CACNG4: variants seen among roughly 807,000 people sequenced by gnomAD.
CACNG4 encodes the protein calcium voltage-gated channel auxiliary subunit gamma 4.
In CACNG4, 8 loss-of-function variants were observed where a neutral mutation model predicts 22.9. The observed-to-expected ratio is 0.35, with a 90% CI of 0.21 to 0.63. CACNG4 has a LOEUF of 0.63. Ranked by LOEUF, CACNG4 falls within the 30% of genes least tolerant of loss-of-function variation. The pLI, the probability that CACNG4 is intolerant of heterozygous loss-of-function variation, is 0.72. For synonymous variants in CACNG4, 188 were observed against 191.9 expected, an observed-to-expected ratio of 0.98 and a Z score of 0.17; for missense variants, 357 against 455.4, an observed-to-expected ratio of 0.78 and a Z score of 1.97.
At chr17:66,970,607 C>A (rs2035197808) in intron 1 of CACNG4, among the ~76,000 whole-genome samples, 1 of 152,214 alleles carries the variant, frequency 6.6e-6, no homozygotes, top group African/African-American at 2.4e-5. Flanking sequence ...TATTAAAATG[C>A]TCACATGGTG....
At chr17:66,977,962 CTCCCGGACGCCCT>C (rs2035248248) in intron 1 of CACNG4, among the ~76,000 whole-genome samples, 2 of 152,180 alleles carry the variant, frequency 1.3e-5, no homozygotes, top group African/African-American at 4.8e-5. Flanking sequence ...TTAGGGGCTC[CTCCCGGACGCCCT>C]AAGGAGGCCT....
At chr17:66,968,340 C>T (rs929615992) in intron 1 of CACNG4, among the ~76,000 whole-genome samples, 3 of 152,282 alleles carry the variant, frequency 2.0e-5, no homozygotes, top group South Asian at 2.1e-4. Flanking sequence ...TGAGGATGCA[C>T]AACGGATACA....
intron 1 of CACNG4, among the ~76,000 whole-genome samples, chr17:67,009,854 A>G (rs779904946): frequency 1.9e-4 from 28 of 145,586 alleles, no homozygotes; most frequent in Admixed American, 6.6e-4. Context: ...TCATCACCTC[A>G]GGGTTAGGAG....
At chr17:66,967,537 A>G (rs2035177851) in intron 1 of CACNG4, among the ~76,000 whole-genome samples, 1 of 152,196 alleles carries the variant, frequency 6.6e-6, no homozygotes, top group Non-Finnish European at 1.5e-5. Flanking sequence ...TGAGGCCTGG[A>G]CAGCACCTTA....
At chr17:67,024,003 G>A (rs1019558343) in intron 2 of CACNG4, among the ~76,000 whole-genome samples, 1 of 152,234 alleles carries the variant, frequency 6.6e-6, no homozygotes, top group Non-Finnish European at 1.5e-5. Flanking sequence ...AAAGGGGACT[G>A]AGGTGGTCAC....
chr17:66,997,838 A>G (rs2035384826), intron 1 of CACNG4, among the ~76,000 whole-genome samples: 1 of 151,996 alleles, frequency 6.6e-6, no homozygotes, highest in South Asian at 2.1e-4. Context: ...ACAAACAAAC[A>G]AAAAACCCAC....
Position 66,964,990 on chromosome 17 carries a change from G to A in CACNG4, c.79G>A (p.Ala27Thr). 1 of 1,611,238 alleles carries A rather than the reference G, an allele frequency of 6.2e-7. No homozygotes were observed. ...AFAAFSLMAI[A>T]IGTDYWLYSS... ...CGCCGCCTTCTCGCTCATGGCCATC[G>A]CCATCGGCACCGACTACTGGCTGTA... The change falls in exon 1 of 4, where the codon GCC (alanine) becomes ACC (threonine). Residue 27 changes from alanine to threonine, a missense_variant. This residue lies in a region of CACNG4 where 114 missense variants were observed against 161.6 expected (regional missense o/e 0.71). Transcript: ENST00000262138.
chr17:66,988,641 T>C (rs1266867890), intron 1 of CACNG4, among the ~76,000 whole-genome samples: 2 of 152,008 alleles, frequency 1.3e-5, no homozygotes, highest in Admixed American at 1.3e-4. Context: ...TCTGCTGCTC[T>C]CCAGAGGCTC....
At chr17:67,021,573 G>A (rs1460885044) in intron 2 of CACNG4, 1 of 152,292 alleles carries the variant, frequency 6.6e-6, no homozygotes, top group Non-Finnish European at 1.5e-5. Flanking sequence ...CTGATTTGCA[G>A]GTTCACAGCC....
chr17:66,979,435 G>A (rs1202483981), intron 1 of CACNG4, among the ~76,000 whole-genome samples: 2 of 152,164 alleles, frequency 1.3e-5, no homozygotes, highest in African/African-American at 2.4e-5. Flanking sequence ...ATGGCAAATT[G>A]AGTGAGCCAA....
intron 1 of CACNG4, among the ~76,000 whole-genome samples, chr17:66,994,813 C>T (rs1264921318): frequency 2.6e-5 from 4 of 152,144 alleles, no homozygotes; most frequent in Non-Finnish European, 2.9e-5. Flanking sequence ...CATACGTTCT[C>T]AGAGGCCAGT....
intron 3 of CACNG4, among the ~76,000 whole-genome samples, chr17:67,025,234 T>C (rs1350125672): frequency 6.6e-6 from 1 of 152,240 alleles, no homozygotes; most frequent in African/African-American, 2.4e-5. Context: ...TTTGGATGCT[T>C]GCACAACATT....
At chr17:66,968,087 A>G (rs755473800) in intron 1 of CACNG4, among the ~76,000 whole-genome samples, 12 of 152,024 alleles carry the variant, frequency 7.9e-5, no homozygotes, top group Non-Finnish European at 1.5e-4. Context: ...CGCTGTCTTC[A>G]CCCCCATCTG....
intron 1 of CACNG4, among the ~76,000 whole-genome samples, chr17:66,969,423 CA>C (rs1567748338): frequency 6.6e-6 from 1 of 152,252 alleles, no homozygotes; most frequent in African/African-American, 2.4e-5. Context: ...GACTTGATGC[CA>C]GGGGTGGCCC....
At chr17:67,023,629 T>C (rs113842031) in intron 2 of CACNG4, among the ~76,000 whole-genome samples, 4,564 of 147,344 alleles carry the variant, frequency 0.031, 222 homozygotes, top group African/African-American at 0.11. Context: ...TGGAGTGCAA[T>C]GGCGCAATCT....
intron 1 of CACNG4, among the ~76,000 whole-genome samples, chr17:66,989,277 T>C (rs1216369409): frequency 6.6e-6 from 1 of 150,836 alleles, no homozygotes; most frequent in African/African-American, 2.5e-5. Flanking sequence ...TAAGATGAGG[T>C]CATACTCCAT....
intron 2 of CACNG4, among the ~76,000 whole-genome samples, chr17:67,023,535 A>G (rs1479227785): frequency 6.7e-6 from 1 of 149,714 alleles, no homozygotes; most frequent in Non-Finnish European, 1.5e-5. Context: ...TCAGCCTCCC[A>G]AAGTGCTGGG....
chr17:66,976,497 A>C (rs2035237314), intron 1 of CACNG4, among the ~76,000 whole-genome samples: 12 of 117,252 alleles, frequency 1.0e-4, no homozygotes, highest in African/African-American at 2.4e-4. Flanking sequence ...TATCCTCTCC[A>C]TCCTCCCTCT....
chr17:67,015,066 G>A (rs961858208), intron 1 of CACNG4, among the ~76,000 whole-genome samples: 4 of 152,108 alleles, frequency 2.6e-5, no homozygotes, highest in African/African-American at 4.8e-5. Flanking sequence ...CTCTCCACGG[G>A]GCTGAAGACA....
Sources: gnomAD v4.1 joint callset for allele counts (sites outside exome capture counted in the v4.1 genomes callset) on GRCh38, gnomAD v4.1.1 for gene constraint, gnomAD v4.1.1 regional missense constraint, MANE v1.5 for transcripts, NCBI Gene and HGNC (gene_info 2026-07-23, HGNC 2026-07-21) for gene names.